CYTH3: variants seen among roughly 807,000 people sequenced by gnomAD.
The protein encoded by CYTH3 is cytohesin 3.
Under a neutral mutation model 55.1 loss-of-function variants are expected in CYTH3, and 23 were observed. The ratio of observed to expected loss-of-function variants is 0.42; its 90% CI spans 0.30 to 0.59. The LOEUF is 0.59. Ranked by LOEUF, CYTH3 falls within the 20% of genes least tolerant of loss-of-function variation. The pLI is 0.20. For missense variants in CYTH3, 413 were observed against 524.8 expected (o/e 0.79, Z 2.08); for synonymous variants, 249 against 194.9 (o/e 1.28, Z -2.31).
intron 1 of CYTH3, among the ~76,000 whole-genome samples, chr7:6,270,087 A>G (rs1780613053): frequency 6.6e-6 from 1 of 152,238 alleles, no homozygotes; most frequent in African/African-American, 2.4e-5. Flanking sequence ...ATTTTTTTAA[A>G]CATGAATTTT....
At chr7:6,165,112 G>A (rs1165396667) in intron 12 of CYTH3, 96 bp from the exon 13 acceptor site, 2 of 1,576,398 alleles carry the variant, frequency 1.3e-6, no homozygotes, top group African/African-American at 2.7e-5. Context: ...CAGGACCGCA[G>A]GCTCAGATCT....
chr7:6,251,594 A>G (rs1779973980), intron 1 of CYTH3, among the ~76,000 whole-genome samples: 1 of 152,244 alleles, frequency 6.6e-6, no homozygotes, highest in Non-Finnish European at 1.5e-5. Context: ...TAGTGCTCAT[A>G]TATTACATCC....
chr7:6,208,315 C>CT (rs1562388287), intron 1 of CYTH3, among the ~76,000 whole-genome samples: 2 of 152,184 alleles, frequency 1.3e-5, no homozygotes, highest in African/African-American at 4.8e-5. Flanking sequence ...CTTTTGGACT[C>CT]ATATATAAAC....
intron 1 of CYTH3, among the ~76,000 whole-genome samples, chr7:6,196,232 C>T (rs778929146): frequency 6.6e-6 from 1 of 152,058 alleles, no homozygotes; most frequent in Non-Finnish European, 1.5e-5. Flanking sequence ...GGAATGAATG[C>T]GCACCACACT....
intron 1 of CYTH3, among the ~76,000 whole-genome samples, chr7:6,243,643 G>T (rs193213720): frequency 1.3e-5 from 2 of 152,136 alleles, no homozygotes; most frequent in African/African-American, 2.4e-5. Flanking sequence ...CTTCTTCTGC[G>T]TATAATTAAA....
At chr7:6,207,417 T>G (rs1784219523) in intron 1 of CYTH3, among the ~76,000 whole-genome samples, 1 of 152,070 alleles carries the variant, frequency 6.6e-6, no homozygotes, top group Non-Finnish European at 1.5e-5. Flanking sequence ...TTAGAATCAG[T>G]GATATACAGC....
intron 1 of CYTH3, among the ~76,000 whole-genome samples, chr7:6,208,502 G>A (rs1583164790): frequency 6.6e-6 from 1 of 152,168 alleles, no homozygotes; most frequent in African/African-American, 2.4e-5. Flanking sequence ...GGGAACCTTG[G>A]CAAAAGTACT....
intron 1 of CYTH3, among the ~76,000 whole-genome samples, chr7:6,227,253 T>C (rs1779279026): frequency 6.6e-6 from 1 of 152,056 alleles, no homozygotes; most frequent in Non-Finnish European, 1.5e-5. Context: ...GGAAAAATTA[T>C]ATTCAAAGAA....
At chr7:6,200,963 G>C (rs925507123) in intron 1 of CYTH3, among the ~76,000 whole-genome samples, 4 of 152,120 alleles carry the variant, frequency 2.6e-5, no homozygotes, top group Non-Finnish European at 5.9e-5. Context: ...TCACTATGTT[G>C]TTGTCCAGGC....
chr7:6,219,866 G>C (rs1422074619), intron 1 of CYTH3, among the ~76,000 whole-genome samples: 1 of 151,728 alleles, frequency 6.6e-6, no homozygotes, highest in Non-Finnish European at 1.5e-5. Context: ...GAACAATTTT[G>C]AAAAAAAGAC....
chr7:6,187,598 C>T, intron 3 of CYTH3, 59 bp downstream of exon 3: 1 of 1,475,370 alleles, frequency 6.8e-7, no homozygotes, highest in Non-Finnish European at 9.5e-7. Flanking sequence ...AGTTTGACTA[C>T]AGGATGGAGG....
chr7:6,179,771 C>A (rs1783448243), intron 4 of CYTH3, among the ~76,000 whole-genome samples: 3 of 127,310 alleles, frequency 2.4e-5, no homozygotes, highest in Admixed American at 1.6e-4. Context: ...CACACACACC[C>A]CACACACACC....
intron 1 of CYTH3, among the ~76,000 whole-genome samples, chr7:6,194,990 TAAATA>T (rs1783891734): frequency 6.6e-6 from 1 of 150,770 alleles, no homozygotes; most frequent in South Asian, 2.1e-4. Flanking sequence ...AATAAATAAA[TAAATA>T]ATTTTAAAAA....
At position 6,170,798 on chromosome 7, in the gene CYTH3, A is replaced by AGACGGC; in HGVS notation, c.711+26_711+31dup. On this transcript the variant is annotated intron_variant, in intron 8 of 12. Transcript: ENST00000350796. This position sits in a 1 kb window ranked among gnomAD's most constrained non-coding sequence, Gnocchi z 7.8. ...GCCGCTCACAGCGAAGAGATCCTGC[A>AGACGGC]GACGGCAGCGGCCGCGGGCCGGGGA... The AGACGGC allele has an allele frequency of 1.9e-6, 3 of 1,597,090 alleles. No homozygotes were observed. Among genetic ancestry groups the AGACGGC allele is most frequent in the Non-Finnish European group, 2.6e-6 (3 of 1,171,734 alleles).
intron 4 of CYTH3, among the ~76,000 whole-genome samples, chr7:6,186,129 A>T (rs1783642181): frequency 6.6e-6 from 1 of 151,722 alleles, no homozygotes; most frequent in Non-Finnish European, 1.5e-5. Context: ...CTGTAGTCTC[A>T]GCTACCCGGG....
rs1021230801 is a variant in CYTH3, at chr7:6,167,048, G to A, written c.824-1238C>T. 3.3e-5 allele frequency among the ~76,000 whole-genome samples: 5 copies of A among 152,094 alleles called. No homozygotes were observed. The highest frequency in any genetic ancestry group is 7.2e-5 in the African/African-American group (3 of 41,480). On this transcript the variant is annotated intron_variant, in intron 9 of 12. Coordinates refer to ENST00000350796, the MANE Select transcript of CYTH3 (RefSeq NM_004227.4). The surrounding 1 kb of genome is among the most constrained non-coding windows in gnomAD (Gnocchi z 5.5). ...AGCCCTGGCGGGGCTTCCACTCCCC[G>A]AACCCCTGCAAGCTGCTCCGTCACT... is the stretch of plus-strand genomic sequence containing the variant.
At chr7:6,259,784 A>ATATATTAT (rs1491413119) in intron 1 of CYTH3, among the ~76,000 whole-genome samples, 1 of 20,948 alleles carries the variant, frequency 4.8e-5, no homozygotes, top group African/African-American at 5.0e-4. Context: ...ATATATATAT[A>ATATATTAT]ATATATATAT....
chr7:6,186,582 T>G (rs1783656906), intron 4 of CYTH3, among the ~76,000 whole-genome samples: 1 of 152,218 alleles, frequency 6.6e-6, no homozygotes, highest in Non-Finnish European at 1.5e-5. Context: ...TTAAGGTGAA[T>G]GGAGGAATAA....
At chr7:6,214,332 A>C (rs57081447) in intron 1 of CYTH3, among the ~76,000 whole-genome samples, 5,977 of 152,342 alleles carry the variant, frequency 0.039, 436 homozygotes, top group East Asian at 0.34. Flanking sequence ...AATTCAAAAC[A>C]TAAGAAATAA....
Sources: gnomAD v4.1 joint callset for allele counts (sites outside exome capture counted in the v4.1 genomes callset) on GRCh38, gnomAD v4.1.1 for gene constraint, Gnocchi (gnomAD v3.1) non-coding constraint, MANE v1.5 for transcripts, NCBI Gene and HGNC (gene_info 2026-07-23, HGNC 2026-07-21) for gene names.